Variants in AP3D1 observed in about 807,000 individuals in gnomAD.
The protein encoded by AP3D1 is adaptor related protein complex 3 subunit delta 1, also known as AP-3 complex subunit delta-1.
In AP3D1, 51 loss-of-function variants were observed where a neutral mutation model predicts 147.6. The ratio of observed to expected loss-of-function variants is 0.35; its 90% CI spans 0.28 to 0.44. AP3D1 has a LOEUF of 0.44. Ranked by LOEUF, AP3D1 falls within the 20% of genes least tolerant of loss-of-function variation. AP3D1 has a pLI of 1.00. For missense variants in AP3D1, 1,421 were observed against 1,624.2 expected, an observed-to-expected ratio of 0.87 and a Z score of 2.15; for synonymous variants, 760 against 663.0, an observed-to-expected ratio of 1.15 and a Z score of -2.25.
At chr19:2,109,434 G>C (rs112993347) in intron 29 of AP3D1, 8 of 559,006 alleles carry the variant, frequency 1.4e-5, no homozygotes, top group Non-Finnish European at 2.1e-5. Context: ...AGAGGTGCCT[G>C]AAGCCATGGG....
chr19:2,152,571 T>C (rs1193082056), upstream of AP3D1, among the ~76,000 whole-genome samples: 1 of 146,140 alleles, frequency 6.8e-6, no homozygotes, highest in Non-Finnish European at 1.5e-5. Context: ...AAGAAAGTAA[T>C]CGCAATAAAA....
chr19:2,127,662 T>C (rs895024499), intron 8 of AP3D1, among the ~76,000 whole-genome samples: 16 of 152,150 alleles, frequency 1.1e-4, no homozygotes, highest in East Asian at 1.9e-4. Flanking sequence ...GCAGCTGGGA[T>C]TGCAAGCGTG....
Position 2,136,090 on chromosome 19 carries a change from C to A in AP3D1, c.354+921G>T, listed in dbSNP as rs775279839. ...GACCCAAGAAGACTCCCGCCCAGGT[C>A]CCTCCTGCTACATGGCCATGACCCA... On this transcript the variant is annotated intron_variant, in intron 4 of 31. Transcript: ENST00000643116. Among the ~76,000 whole-genome samples the A allele has an allele frequency of 6.6e-5, 10 of 152,090 alleles. 1 individual carries two copies. The highest frequency in any genetic ancestry group is 4.1e-4 in the South Asian group (2 of 4,826).
intron 1 of AP3D1, among the ~76,000 whole-genome samples, chr19:2,158,108 T>G (rs1417549821): frequency 1.3e-5 from 2 of 152,154 alleles, no homozygotes; most frequent in East Asian, 1.9e-4. Context: ...CAGGCTGCAG[T>G]GCAGTGGTGC....
chr19:2,145,718 T>C (rs914597680), intron 1 of AP3D1, among the ~76,000 whole-genome samples: 12 of 152,118 alleles, frequency 7.9e-5, no homozygotes, highest in Non-Finnish European at 1.8e-4. Context: ...CCCACCCACA[T>C]GCCCCTCCAG....
chr19:2,127,196 G>A lies in AP3D1; in HGVS notation c.812C>T (p.Ser271Phe). 1 of 1,613,866 alleles carries A rather than the reference G, an allele frequency of 6.2e-7. No individual in the cohort carries two copies. The highest frequency in any genetic ancestry group is 8.5e-7 in the Non-Finnish European group (1 of 1,179,994). Residue 271 changes from serine to phenylalanine, a missense_variant, in exon 9 of 32, where the codon TCT (serine) becomes TTT (phenylalanine). Ser to Phe is a radical substitution (Grantham distance 155). Coordinates refer to ENST00000643116, the MANE Select transcript of AP3D1 (RefSeq NM_001261826.3). ...EPLTNLIHST[S>F]AMSLLYECVN... ...ACATTCATAGAGGAGAGACATGGCA[G>A]ACGTGCTAAGGAAAGGAACACAGGG...
chr19:2,113,734 C>T (rs893222978), intron 22 of AP3D1, among the ~76,000 whole-genome samples: 2 of 152,354 alleles, frequency 1.3e-5, no homozygotes, highest in East Asian at 3.9e-4. Flanking sequence ...GACAGGCTCC[C>T]AGGCCCTGCA....
intron 1 of AP3D1, among the ~76,000 whole-genome samples, chr19:2,142,637 G>C (rs929346950): frequency 3.3e-5 from 5 of 152,246 alleles, no homozygotes; most frequent in Non-Finnish European, 5.9e-5. Flanking sequence ...TGGCCGCCTG[G>C]CTGAGGGGAG....
At chr19:2,113,017 C>T in intron 23 of AP3D1, 50 bp from the exon 24 acceptor site, 1 of 1,376,672 alleles carries the variant, frequency 7.3e-7, no homozygotes, top group Non-Finnish European at 1.0e-6. Context: ...AGGGGCCCCA[C>T]TCCACTGCAC....
At chr19:2,119,886 G>A (rs1028824508) in intron 14 of AP3D1, among the ~76,000 whole-genome samples, 2 of 152,038 alleles carry the variant, frequency 1.3e-5, no homozygotes, top group Non-Finnish European at 2.9e-5. Context: ...AAGTTGCAGT[G>A]AGCCGAGATC....
chr19:2,138,406 G>C (rs1162560335), intron 2 of AP3D1, among the ~76,000 whole-genome samples: 1 of 152,226 alleles, frequency 6.6e-6, no homozygotes, highest in African/African-American at 2.4e-5. Context: ...GCTACCACCA[G>C]GGCCTGTGGG....
Position 2,137,108 on chromosome 19 carries a change from G to A in AP3D1, c.274-17C>T, listed in dbSNP as rs1426370497. On this transcript the variant is annotated splice_polypyrimidine_tract_variant and intron_variant, in intron 3 of 31. Transcript: ENST00000643116. ...GCCAATTCGCTGGGAGAGAACAGAT[G>A]AGCACATCAGAGGCAGGACACCCGC... 1.3e-6 allele frequency: 2 copies of A among 1,567,176 alleles called. No homozygotes were observed. The highest frequency in any genetic ancestry group is 2.3e-5 in the South Asian group (2 of 85,320).
chr19:2,108,478 C>T (rs561000264), intron 31 of AP3D1, among the ~76,000 whole-genome samples: 3 of 152,318 alleles, frequency 2.0e-5, no homozygotes, highest in East Asian at 1.9e-4. Flanking sequence ...CGGTGAGCAG[C>T]GCAGCAGGAG....
At chr19:2,152,022 C>T (rs1244464206), upstream of AP3D1, among the ~76,000 whole-genome samples, 1 of 152,230 alleles carries the variant, frequency 6.6e-6, no homozygotes, top group Non-Finnish European at 1.5e-5. Context: ...CCTGTGGTTC[C>T]CGCAGCCTCA....
At chr19:2,163,907 G>T (rs1268510222) in intron 1 of AP3D1, among the ~76,000 whole-genome samples, 2 of 149,754 alleles carry the variant, frequency 1.3e-5, no homozygotes, top group African/African-American at 4.9e-5. Context: ...CGCGCGGGGC[G>T]AGTGGTTCCG....
intron 26 of AP3D1, 33 bp from the exon 27 acceptor site, chr19:2,110,929 C>G: frequency 1.3e-6 from 2 of 1,589,164 alleles, no homozygotes; most frequent in Non-Finnish European, 1.7e-6. Context: ...GCAGGGCAGG[C>G]GGGCCCGCCA....
intron 9 of AP3D1, 80 bp downstream of exon 9, chr19:2,127,072 C>T (rs887394435): frequency 2.2e-5 from 32 of 1,476,908 alleles, no homozygotes; most frequent in Admixed American, 3.4e-5. Context: ...AGACACCAGG[C>T]CTGGCGCCCT....
intron 9 of AP3D1, among the ~76,000 whole-genome samples, chr19:2,124,668 C>T (rs567240698): frequency 7.9e-5 from 12 of 152,236 alleles, no homozygotes; most frequent in African/African-American, 2.2e-4. Context: ...AGGCCAGGCG[C>T]GGTGGCTCAT....
At chr19:2,138,543 C>G in intron 2 of AP3D1, 76 bp downstream of exon 2, 2 of 1,127,320 alleles carry the variant, frequency 1.8e-6, no homozygotes, top group Admixed American at 1.7e-5. Context: ...GACAGACAGG[C>G]TGATGAATAG....
Sources: gnomAD v4.1 joint callset for allele counts (sites outside exome capture counted in the v4.1 genomes callset) on GRCh38, gnomAD v4.1.1 for gene constraint, MANE v1.5 for transcripts, NCBI Gene and HGNC (gene_info 2026-07-23, HGNC 2026-07-21) for gene names.